Variants in SLC9A9 observed in about 807,000 individuals in gnomAD.
SLC9A9 encodes the protein solute carrier family 9 member A9.
In SLC9A9, 62 loss-of-function variants were observed where a neutral mutation model predicts 77.8. The ratio of observed to expected loss-of-function variants is 0.80; its 90% CI spans 0.65 to 0.98. The LOEUF (loss-of-function observed/expected upper bound fraction) is 0.98, where lower values mean the gene tolerates loss of function less well. SLC9A9 is among the 50% of genes least tolerant of loss of function. SLC9A9 has a pLI of 0.00. For missense variants in SLC9A9, 775 were observed against 774.9 expected (o/e 1.00, Z 0.00); for synonymous variants, 320 against 283.5 (o/e 1.13, Z -1.29).
chr3:143,843,804 G>A (rs1430001486), intron 1 of SLC9A9, among the ~76,000 whole-genome samples: 1 of 152,170 alleles, frequency 6.6e-6, no homozygotes, highest in Non-Finnish European at 1.5e-5. Flanking sequence ...CAGGCCCTAA[G>A]TGAGTGGTAC....
At chr3:143,626,610 T>C (rs2038332847) in intron 6 of SLC9A9, among the ~76,000 whole-genome samples, 2 of 151,542 alleles carry the variant, frequency 1.3e-5, no homozygotes, top group African/African-American at 4.9e-5. Context: ...ACACCGGGGC[T>C]TGTTGTGGGG....
chr3:143,617,328 C>T (rs1200156266), intron 6 of SLC9A9, among the ~76,000 whole-genome samples: 4 of 152,186 alleles, frequency 2.6e-5, no homozygotes, highest in Non-Finnish European at 4.4e-5. Context: ...TTTTGCACTA[C>T]AACTAGTGTC....
chr3:143,450,575 A>T (rs911321512), intron 12 of SLC9A9, among the ~76,000 whole-genome samples: 1 of 137,668 alleles, frequency 7.3e-6, no homozygotes, highest in Non-Finnish European at 1.5e-5. Context: ...ACCCTCATAA[A>T]AATTAAACAC....
intron 12 of SLC9A9, among the ~76,000 whole-genome samples, chr3:143,413,265 A>G (rs1348816669): frequency 1.3e-5 from 2 of 152,212 alleles, no homozygotes; most frequent in Non-Finnish European, 2.9e-5. Context: ...TTTTCCAAAG[A>G]CTTGTCACAA....
intron 4 of SLC9A9, among the ~76,000 whole-genome samples, chr3:143,700,596 G>A (rs1266977510): frequency 1.3e-5 from 2 of 152,230 alleles, no homozygotes; most frequent in Admixed American, 6.5e-5. Context: ...AAAGGGGAGG[G>A]AAGAGTGGAA....
Position 143,832,198 on chromosome 3 carries a change from G to T in SLC9A9, c.199C>A (p.Arg67=). The T allele has an allele frequency of 1.2e-6, 2 of 1,611,888 alleles. No homozygotes were observed. The highest frequency in any genetic ancestry group is 1.7e-6 in the Non-Finnish European group (2 of 1,179,288). ...VYGLIMGLIL[R]YATAPTDIES... is the part of the protein sequence containing the mutation. ...ATATCAGTTGGTGCTGTAGCATATC[G>T]TAAAATTAGTCCCATTATAAGGCCT... is the stretch of plus-strand genomic sequence containing the variant. The change falls in exon 2 of 16, where the codon CGA becomes AGA. Residue 67 remains arginine, a synonymous_variant. Coordinates refer to ENST00000316549, the MANE Select transcript of SLC9A9 (RefSeq NM_173653.4).
chr3:143,618,539 C>A (rs893378226), intron 6 of SLC9A9, among the ~76,000 whole-genome samples: 3 of 152,052 alleles, frequency 2.0e-5, no homozygotes, highest in Admixed American at 2.0e-4. Context: ...AGTTCATTTG[C>A]CACTTCCCAC....
intron 14 of SLC9A9, among the ~76,000 whole-genome samples, chr3:143,334,467 T>TA (rs2031865170): frequency 1.3e-5 from 2 of 152,192 alleles, no homozygotes; most frequent in South Asian, 4.1e-4. Context: ...TCATAATGAA[T>TA]AGGAGTGTGG....
intron 1 of SLC9A9, among the ~76,000 whole-genome samples, chr3:143,832,847 A>G (rs537641591): frequency 6.6e-6 from 1 of 152,078 alleles, no homozygotes; most frequent in South Asian, 2.1e-4. Flanking sequence ...GACATCACAG[A>G]GCCACTAGAT....
intron 9 of SLC9A9, among the ~76,000 whole-genome samples, chr3:143,544,665 G>A (rs2036754624): frequency 6.6e-6 from 1 of 151,946 alleles, no homozygotes; most frequent in Non-Finnish European, 1.5e-5. Context: ...GAAGCTCTTC[G>A]GCTTAATTAG....
At chr3:143,835,787 C>T (rs1385803723) in intron 1 of SLC9A9, among the ~76,000 whole-genome samples, 1 of 152,182 alleles carries the variant, frequency 6.6e-6, no homozygotes, top group Non-Finnish European at 1.5e-5. Flanking sequence ...GAAACCAGGC[C>T]CCTTCTTGCT....
chr3:143,432,225 A>T (rs1259726391), intron 12 of SLC9A9, among the ~76,000 whole-genome samples: 2 of 152,174 alleles, frequency 1.3e-5, no homozygotes, highest in African/African-American at 4.8e-5. Flanking sequence ...GTATTTGTTA[A>T]GTGTGTGAAT....
At chr3:143,350,300 C>T (rs2032412678) in intron 14 of SLC9A9, among the ~76,000 whole-genome samples, 1 of 151,872 alleles carries the variant, frequency 6.6e-6, no homozygotes. Context: ...ATTGCAACTA[C>T]CATAATTGAG....
At chr3:143,667,744 A>G (rs1027786156) in intron 5 of SLC9A9, among the ~76,000 whole-genome samples, 3 of 152,242 alleles carry the variant, frequency 2.0e-5, no homozygotes, top group South Asian at 2.1e-4. Context: ...GTTCATCATC[A>G]CTGGCCATCA....
intron 1 of SLC9A9, 66 bp from the exon 2 acceptor site, chr3:143,832,287 T>C: frequency 7.1e-7 from 1 of 1,402,410 alleles, no homozygotes; most frequent in South Asian, 1.2e-5. Context: ...ATTGGAAACC[T>C]ATATGATTTG....
intron 2 of SLC9A9, among the ~76,000 whole-genome samples, chr3:143,824,242 T>C (rs1328200078): frequency 6.6e-6 from 1 of 151,580 alleles, no homozygotes; most frequent in Non-Finnish European, 1.5e-5. Context: ...TTTTTATATA[T>C]ACAAAATGAT....
At chr3:143,730,917 A>C (rs944010028) in intron 4 of SLC9A9, among the ~76,000 whole-genome samples, 1 of 152,042 alleles carries the variant, frequency 6.6e-6, no homozygotes, top group African/African-American at 2.4e-5. Flanking sequence ...TACAATTGAC[A>C]AAAAATCTTG....
rs754981414 is a variant in SLC9A9, at chr3:143,693,306, A to C, written c.535T>G (p.Leu179Val). ...GCCTTCACAAAACCATACATAATTAACCTGTTGAAGAGAAAAACATGACCT... is the reference window on the plus strand; with the variant it reads ...GCCTTCACAAAACCATACATAATTACCCTGTTGAAGAGAAAAACATGACCT... ...GTAISCIVIG[L>V]IMYGFVKAMI... Residue 179 changes from leucine to valine, a missense_variant and splice_region_variant, in exon 5 of 16, where the codon TTA (leucine) becomes GTA (valine). Leu to Val is a conservative substitution (Grantham distance 32). Coordinates refer to ENST00000316549, the MANE Select transcript of SLC9A9 (RefSeq NM_173653.4). The C allele has an allele frequency of 6.2e-6, 10 of 1,611,174 alleles. No individual in the cohort carries two copies. Among genetic ancestry groups the C allele is most frequent in the Admixed American group, 1.7e-5 (1 of 59,836 alleles).
At chr3:143,738,777 C>A (rs1935003580) in intron 4 of SLC9A9, among the ~76,000 whole-genome samples, 1 of 152,144 alleles carries the variant, frequency 6.6e-6, no homozygotes, top group African/African-American at 2.4e-5. Context: ...CAATAGCTCA[C>A]AGAATTTAGG....
Sources: allele counts gnomAD v4.1 joint callset (sites outside exome capture counted in the v4.1 genomes callset), GRCh38; gene constraint gnomAD v4.1.1; transcripts MANE v1.5; gene names NCBI Gene and HGNC (gene_info 2026-07-23, HGNC 2026-07-21).